RIF1: variants seen among roughly 807,000 people sequenced by gnomAD.
The protein encoded by RIF1 is telomere-associated protein RIF1.
RIF1 carries 45 observed loss-of-function variants against 247.1 expected under a neutral mutation model. The observed-to-expected ratio is 0.18, with a 90% confidence interval of 0.14 to 0.23. The LOEUF (loss-of-function observed/expected upper bound fraction) is 0.23. Ranked by LOEUF, RIF1 falls within the 10% of genes least tolerant of loss-of-function variation. RIF1 has a pLI of 1.00. For missense variants in RIF1, 2,967 were observed against 2,862.5 expected, an observed-to-expected ratio of 1.04 and a Z score of -0.83; for synonymous variants, 1,087 against 978.8, an observed-to-expected ratio of 1.11 and a Z score of -2.06.
chr2:151,444,672 T>G (rs1188747259), intron 18 of RIF1, among the ~76,000 whole-genome samples: 1 of 152,224 alleles, frequency 6.6e-6, no homozygotes, highest in Non-Finnish European at 1.5e-5. Context: ...AGAAAAGTCA[T>G]TTACATTCTT....
Position 151,476,110 on chromosome 2 carries a change from C to T in RIF1, c.*1039C>T, listed in dbSNP as rs560581322. 1 of 152,190 alleles carries T rather than the reference C, an allele frequency of 6.6e-6. No individual in the cohort carries two copies. The highest frequency in any genetic ancestry group is 2.1e-4 in the South Asian group (1 of 4,826). 9.4% of individuals were successfully genotyped at this position (152,190 alleles called of 1,614,324 possible). On this transcript the variant is annotated 3_prime_UTR_variant, in exon 36 of 36. Transcript: ENST00000444746. ...TGCTGTTCATACCCTTACCTTCTTA[C>T]TACTTTTGGTTTGGAGGAGGGTATC...
At chr2:151,508,486 C>G (rs2071157672), downstream of RIF1, among the ~76,000 whole-genome samples, 2 of 152,226 alleles carry the variant, frequency 1.3e-5, no homozygotes, top group South Asian at 4.1e-4. Flanking sequence ...TGTAGCCAGA[C>G]TGTTCAACAG....
the RIF1 span, chr2:151,531,040 G>A: frequency 6.8e-5 from 109 of 1,613,426 alleles, no homozygotes; most frequent in Non-Finnish European, 9.1e-5. Flanking sequence ...CAACATGGGT[G>A]TGTCGTGGAT....
At chr2:151,533,821 T>C in the RIF1 span, among the ~76,000 whole-genome samples, 279 of 152,368 alleles carry the variant, frequency 1.8e-3, no homozygotes, top group Middle Eastern at 3.4e-3. Context: ...AGAAGACATC[T>C]TTGGAATAGA....
At chr2:151,499,430 G>T in exon 11 of RIF1, 1 of 1,128,426 alleles carries the variant, frequency 8.9e-7, no homozygotes, top group Non-Finnish European at 1.3e-6. Flanking sequence ...AACAAGAGCA[G>T]TCAAAACAGC....
In RIF1 at chr2:151,427,807, G is replaced by A. The variant is rs1182320376; in HGVS notation, c.787-977G>A. Reference sequence around the variant, plus strand: ...TAGGCCGGCATGGTGGCTCACGCCTGTAATCCCAGCACTTTGGGAGGCCGA... The same window carrying A: ...TAGGCCGGCATGGTGGCTCACGCCTATAATCCCAGCACTTTGGGAGGCCGA... On this transcript the variant is annotated intron_variant, in intron 8 of 35. Coordinates refer to ENST00000444746, the MANE Select transcript of RIF1 (RefSeq NM_018151.5). 2.6e-5 allele frequency among the ~76,000 whole-genome samples: 4 copies of A among 152,010 alleles called. No homozygotes were observed. In the East Asian group the frequency reaches 5.9e-4, roughly 22 times the overall value.
chr2:151,461,021 A>G, intron 26 of RIF1, 117 bp from the exon 27 acceptor site: 2 of 933,158 alleles, frequency 2.1e-6, no homozygotes, highest in Non-Finnish European at 3.3e-6. Context: ...CATGAGTATC[A>G]TCAACTTTCA....
Position 151,465,353 on chromosome 2 carries a change from G to T in RIF1, c.5833G>T (p.Glu1945Ter). The T allele has an allele frequency of 6.2e-7, 1 of 1,613,738 alleles. No homozygotes were observed. Among genetic ancestry groups the T allele is most frequent in the South Asian group, 1.1e-5 (1 of 90,996 alleles). Residue 1945 changes from glutamate to a stop codon, truncating the protein, a stop_gained, in exon 30 of 36, where the codon GAA becomes TAA. Coordinates refer to ENST00000444746, the MANE Select transcript of RIF1 (RefSeq NM_018151.5). LOFTEE classifies it high-confidence loss of function. ...TATTTCTGAAGAAGCAGCAATAGAA[G>T]AAAATAAAAGAAATGATGACTCTGA... ...TGISEEAAIEENKRNDDSEAD... is the reference protein window; with the variant it reads ...TGISEEAAIE
chr2:151,446,324 A>G (rs1693265954), intron 19 of RIF1, 102 bp from the exon 20 acceptor site: 5 of 1,115,782 alleles, frequency 4.5e-6, no homozygotes, highest in African/African-American at 1.6e-5. Flanking sequence ...GACACACTAA[A>G]TGTTGCAGTG....
chr2:151,453,491 C>T (rs962953076), intron 21 of RIF1, among the ~76,000 whole-genome samples: 1 of 149,188 alleles, frequency 6.7e-6, no homozygotes, highest in Non-Finnish European at 1.5e-5. Context: ...GCAGGAGAAT[C>T]TCCTGAACCC....
At chr2:151,437,211 A>G in intron 12 of RIF1, 30 bp from the exon 13 acceptor site, 1 of 1,514,590 alleles carries the variant, frequency 6.6e-7, no homozygotes, top group Non-Finnish European at 9.2e-7. Context: ...CTGTTGTTTT[A>G]CATAATTATC....
intron 12 of RIF1, 54 bp downstream of exon 12, chr2:151,437,057 T>C: frequency 1.4e-6 from 2 of 1,447,182 alleles, no homozygotes; most frequent in Non-Finnish European, 9.5e-7. Context: ...TAGGACTTAA[T>C]GCATTGGGGT....
At chr2:151,458,073 C>G in intron 24 of RIF1, 110 bp downstream of exon 24, 1 of 709,702 alleles carries the variant, frequency 1.4e-6, no homozygotes, top group Non-Finnish European at 2.3e-6. Flanking sequence ...CAGAGGATTC[C>G]TTAGTTGAAA....
chr2:151,525,785 A>G, the RIF1 span, among the ~76,000 whole-genome samples: 7 of 152,224 alleles, frequency 4.6e-5, no homozygotes, highest in Admixed American at 2.6e-4. Flanking sequence ...CCAGAATTGG[A>G]AAGCCAATAA....
At position 151,463,231 on chromosome 2, in the gene RIF1, A is replaced by G. The variant is rs757542444; in HGVS notation, c.3711A>G (p.Pro1237=). ...GTTCAGAAAATAGACCTTTTAGTCC[A>G]TCCCCCTTGAATAATATTTCATCAA... ...FDGSENRPFS[P]SPLNNISSTV... Residue 1237 remains proline (P), a synonymous_variant, in exon 30 of 36, where the codon CCA becomes CCG. Transcript: ENST00000444746. 1.2e-6 allele frequency: 2 copies of G among 1,613,920 alleles called. No homozygotes were observed. Among genetic ancestry groups the G allele is most frequent in the African/African-American group, 1.3e-5 (1 of 74,950 alleles).
At position 151,419,624 on chromosome 2, in the gene RIF1, G is replaced by A. The variant is rs115102222; in HGVS notation, c.504-566G>A. ...CAGGTGTGAGCCACTGCACCCGGCCGGTCATTTATTATCATTATCATATAG... is the reference window on the plus strand; with the variant it reads ...CAGGTGTGAGCCACTGCACCCGGCCAGTCATTTATTATCATTATCATATAG... On this transcript the variant is annotated intron_variant, in intron 6 of 35. Transcript: ENST00000444746. Among the ~76,000 whole-genome samples, 663 of 151,986 alleles carry A rather than the reference G, an allele frequency of 4.4e-3. 6 individuals carry two copies. Among genetic ancestry groups the A allele is most frequent in the Non-Finnish European group, 8.2e-3 (554 of 67,926 alleles).
At chr2:151,414,945 A>G in intron 4 of RIF1, 26 bp downstream of exon 4, 4 of 1,377,500 alleles carry the variant, frequency 2.9e-6, no homozygotes, top group Non-Finnish European at 4.1e-6. Context: ...ATGACTTAAT[A>G]TTTTTAGAGT....
At position 151,479,060 on chromosome 2, in the gene RIF1, T is replaced by C. The variant is rs1246167748; in HGVS notation, c.*3989T>C. 6.6e-6 allele frequency: 1 copy of C among 152,222 alleles called. No homozygotes were observed. Among genetic ancestry groups the C allele is most frequent in the Non-Finnish European group, 1.5e-5 (1 of 68,042 alleles). 9.4% of individuals were successfully genotyped at this position (152,222 alleles called of 1,614,324 possible). A position where few individuals can be genotyped will look rare whatever the true frequency, so the allele number is the denominator to read the frequency against. On this transcript the variant is annotated 3_prime_UTR_variant, in exon 36 of 36. Transcript: ENST00000444746. ...TGGATTCTGATTCAGTAGATCTGCATTGGGCCCCGTGAGTCTTTTTAAACA... is the reference window on the plus strand; with the variant it reads ...TGGATTCTGATTCAGTAGATCTGCACTGGGCCCCGTGAGTCTTTTTAAACA...
intron 10 of RIF1, chr2:151,497,593 ATAAG>A: frequency 6.5e-7 from 1 of 1,544,390 alleles, no homozygotes; most frequent in Non-Finnish European, 8.8e-7. Flanking sequence ...AAATCATTAA[ATAAG>A]TAGTTTTTTT....
Sources: gnomAD v4.1 joint callset for allele counts (sites outside exome capture counted in the v4.1 genomes callset) on GRCh38, gnomAD v4.1.1 for gene constraint, MANE v1.5 for transcripts, NCBI Gene and HGNC (gene_info 2026-07-23, HGNC 2026-07-21) for gene names.